SORCS1: variants seen among roughly 807,000 people sequenced by gnomAD.
SORCS1 encodes the protein VPS10 domain-containing receptor SorCS1.
In SORCS1, 60 loss-of-function variants were observed where a neutral mutation model predicts 146.1. The ratio of observed to expected loss-of-function variants is 0.41; its 90% CI spans 0.33 to 0.51. The LOEUF (loss-of-function observed/expected upper bound fraction) is 0.51, where lower values mean the gene tolerates loss of function less well. Ranked by LOEUF, SORCS1 falls within the 20% of genes least tolerant of loss-of-function variation. SORCS1 has a pLI of 0.21. For synonymous variants in SORCS1, 637 were observed against 584.0 expected, an observed-to-expected ratio of 1.09 and a Z score of -1.31; for missense variants, 1,352 against 1,487.6, an observed-to-expected ratio of 0.91 and a Z score of 1.50.
intron 1 of SORCS1, among the ~76,000 whole-genome samples, chr10:107,039,251 C>T (rs1959055500): frequency 6.6e-6 from 1 of 150,976 alleles, no homozygotes; most frequent in Non-Finnish European, 1.5e-5. Context: ...TGGCGTGAAC[C>T]CGGGAGGAGG....
chr10:106,579,422 C>T lies in SORCS1; in HGVS notation c.3318G>A (p.Leu1106=), dbSNP rs1277690510. The change falls in exon 25 of 26, where the codon CTG becomes CTA. Residue 1106 remains leucine, a synonymous_variant. Coordinates refer to ENST00000263054, the MANE Select transcript of SORCS1 (RefSeq NM_052918.5). ...CCAGCCCCACAAACACCACTGAGAGCAGCATCAGCATGGCAGATCCACTGT... is the reference window on the plus strand; with the variant it reads ...CCAGCCCCACAAACACCACTGAGAGTAGCATCAGCATGGCAGATCCACTGT... ...PTHSGSAMLM[L]LSVVFVGLAV... 2.1e-5 allele frequency: 34 copies of T among 1,613,814 alleles called. No homozygotes were observed. Among genetic ancestry groups the T allele is most frequent in the Non-Finnish European group, 2.7e-5 (32 of 1,179,996 alleles).
At chr10:107,176,105 G>A in the SORCS1 span, among the ~76,000 whole-genome samples, 15 of 151,924 alleles carry the variant, frequency 9.9e-5, no homozygotes, top group Non-Finnish European at 1.6e-4. Context: ...CATCTCACAC[G>A]TTTTGATATG....
At chr10:106,780,671 G>A (rs1426594532) in intron 3 of SORCS1, among the ~76,000 whole-genome samples, 1 of 152,180 alleles carries the variant, frequency 6.6e-6, no homozygotes, top group Non-Finnish European at 1.5e-5. Flanking sequence ...TTCTACTTGA[G>A]GCAAGGAAGG....
intron 1 of SORCS1, among the ~76,000 whole-genome samples, chr10:107,033,989 A>G (rs1589979033): frequency 6.6e-6 from 1 of 152,316 alleles, no homozygotes; most frequent in East Asian, 1.9e-4. Context: ...AGTGAGATAC[A>G]ATTATAAGCC....
rs1848154037 is a variant in SORCS1 at position 106,627,011 on chromosome 10, A to G, written c.2662+2191T>C. Among the ~76,000 whole-genome samples the G allele has an allele frequency of 2.6e-5, 4 of 152,214 alleles. No homozygotes were observed. The South Asian group carries it at 8.3e-4, about 31-fold the overall frequency. On this transcript the variant is annotated intron_variant, in intron 19 of 25. Coordinates refer to ENST00000263054, the MANE Select transcript of SORCS1 (RefSeq NM_052918.5). ...ATATTTGGTCCAATCAACTAGGCTA[A>G]TGAAATGAAAGAATTGCAAATGAAT... is the stretch of plus-strand genomic sequence containing the variant.
At chr10:106,704,901 A>G (rs887134463) in intron 8 of SORCS1, among the ~76,000 whole-genome samples, 2 of 152,152 alleles carry the variant, frequency 1.3e-5, no homozygotes, top group African/African-American at 4.8e-5. Flanking sequence ...AATTTATTTC[A>G]ATGCTCAAGA....
At chr10:106,761,738 T>A in intron 4 of SORCS1, 77 bp from the exon 5 acceptor site, 2 of 1,199,500 alleles carry the variant, frequency 1.7e-6, no homozygotes, top group Non-Finnish European at 2.5e-6. Flanking sequence ...ATTGGATCAA[T>A]AGTAATAATA....
intron 23 of SORCS1, among the ~76,000 whole-genome samples, chr10:106,605,058 A>G (rs1240294407): frequency 2.0e-5 from 3 of 152,280 alleles, no homozygotes; most frequent in African/African-American, 7.2e-5. Flanking sequence ...CTAACAAAAT[A>G]GACAGACTCT....
chr10:107,169,698 G>T (rs115444686), upstream of SORCS1, among the ~76,000 whole-genome samples: 396 of 152,166 alleles, frequency 2.6e-3, 1 homozygote, highest in African/African-American at 9.2e-3. Context: ...ATAGGTAGGG[G>T]GCAGTTTTTG....
intron 1 of SORCS1, among the ~76,000 whole-genome samples, chr10:107,149,001 A>T (rs944514100): frequency 3.3e-5 from 5 of 152,190 alleles, no homozygotes; most frequent in African/African-American, 1.2e-4. Context: ...ACACCCTAAA[A>T]CCAGATCGGG....
chr10:106,899,523 C>T (rs887136148), intron 2 of SORCS1, among the ~76,000 whole-genome samples: 7 of 151,648 alleles, frequency 4.6e-5, no homozygotes, highest in Admixed American at 2.0e-4. Flanking sequence ...TCCAGGGCTG[C>T]GCCATCTCAC....
At chr10:106,975,840 A>C (rs1955968117) in intron 1 of SORCS1, among the ~76,000 whole-genome samples, 1 of 152,116 alleles carries the variant, frequency 6.6e-6, no homozygotes, top group South Asian at 2.1e-4. Context: ...CTCAATTTCC[A>C]ATACACAGTT....
intron 17 of SORCS1, among the ~76,000 whole-genome samples, 158 bp from the exon 18 acceptor site, chr10:106,652,711 A>G (rs1849967646): frequency 6.6e-6 from 1 of 152,210 alleles, no homozygotes; most frequent in African/African-American, 2.4e-5. Context: ...CATATAAAGC[A>G]CCCAACAGAG....
chr10:106,595,566 AAAC>A (rs1299307110), intron 24 of SORCS1, among the ~76,000 whole-genome samples: 10 of 152,180 alleles, frequency 6.6e-5, no homozygotes, highest in Non-Finnish European at 1.5e-4. Context: ...GGGATTGAAA[AAAC>A]AACAAGAGCA....
intron 1 of SORCS1, among the ~76,000 whole-genome samples, chr10:107,089,910 A>T (rs1274179619): frequency 2.0e-5 from 3 of 152,168 alleles, no homozygotes; most frequent in Non-Finnish European, 4.4e-5. Context: ...CCAGCATTAC[A>T]ATTTTTAAAA....
At chr10:106,783,982 AT>A (rs2136440235) in intron 3 of SORCS1, among the ~76,000 whole-genome samples, 1 of 152,292 alleles carries the variant, frequency 6.6e-6, no homozygotes, top group Admixed American at 6.5e-5. Context: ...CTTAACTGTC[AT>A]TTAAAAAAAA....
chr10:106,726,185 C>CTCTT (rs1435746962), intron 6 of SORCS1, among the ~76,000 whole-genome samples: 44 of 66,294 alleles, frequency 6.6e-4, no homozygotes, highest in South Asian at 1.3e-3. Flanking sequence ...CTTTCCCTCT[C>CTCTT]TTTTTTTTTT....
intron 1 of SORCS1, among the ~76,000 whole-genome samples, chr10:106,972,587 G>T (rs1955834334): frequency 1.3e-5 from 2 of 151,842 alleles, no homozygotes; most frequent in South Asian, 2.1e-4. Context: ...AGCTAGGTGG[G>T]GGGGCTGAGA....
At chr10:106,933,459 T>C (rs532169927) in intron 2 of SORCS1, among the ~76,000 whole-genome samples, 65 of 152,320 alleles carry the variant, frequency 4.3e-4, no homozygotes, top group Middle Eastern at 6.8e-3. Flanking sequence ...AATAGAATGG[T>C]AGCTAAAATA....
Sources: allele counts gnomAD v4.1 joint callset (sites outside exome capture counted in the v4.1 genomes callset), GRCh38; gene constraint gnomAD v4.1.1; transcripts MANE v1.5; gene names NCBI Gene and HGNC (gene_info 2026-07-23, HGNC 2026-07-21).